The following TNNI3K variants were observed in gnomAD, a reference collection of about 807,000 sequenced individuals.
TNNI3K encodes serine/threonine-protein kinase TNNI3K.
TNNI3K carries 140 observed loss-of-function variants against 114.5 expected under a neutral mutation model. The observed-to-expected ratio is 1.22, with a 90% CI of 1.07 to 1.41. The LOEUF (loss-of-function observed/expected upper bound fraction) is 1.41. TNNI3K is among the 40% of genes most tolerant of loss of function. TNNI3K has a pLI of 0.00. For synonymous variants in TNNI3K, 347 were observed against 347.5 expected (o/e 1.00, Z 0.02); for missense variants, 1,125 against 1,007.6 (o/e 1.12, Z -1.58).
In TNNI3K at chr1:74,448,003, C is replaced by G. The variant is rs1431974537; in HGVS notation, c.2011+8381C>G. 4.5e-3 allele frequency among the ~76,000 whole-genome samples: 150 copies of G among 33,052 alleles called. 1 individual carries two copies. The highest frequency in any genetic ancestry group is 7.3e-3 in the South Asian group (6 of 820). 21.7% of individuals were successfully genotyped at this position (33,052 alleles called of 152,430 possible). A position where few individuals can be genotyped will look rare whatever the true frequency, so the allele number is the denominator to read the frequency against. ...GAAACCATCATTCTCAGTAAACTAT[C>G]GCAAGAACAAAAAACCAAACACCGC... is the stretch of plus-strand genomic sequence containing the variant. On this transcript the variant is annotated intron_variant, in intron 20 of 24. Coordinates refer to ENST00000326637, the MANE Select transcript of TNNI3K (RefSeq NM_015978.3).
rs964419047 is a variant in TNNI3K, at chr1:74,348,319, A to G, written c.933-4947A>G. Among the ~76,000 whole-genome samples the G allele has an allele frequency of 1.6e-4, 25 of 152,188 alleles. 1 individual carries two copies. Among genetic ancestry groups the G allele is most frequent in the African/African-American group, 5.8e-4 (24 of 41,544 alleles). On this transcript the variant is annotated intron_variant, in intron 9 of 24. Coordinates refer to ENST00000326637, the MANE Select transcript of TNNI3K (RefSeq NM_015978.3). ...GATCAGATAGTTGTAGATAAGCAGC[A>G]TTATTTCTGAGGGCTCTGTTCTGTT...
intron 17 of TNNI3K, among the ~76,000 whole-genome samples, chr1:74,418,612 A>G (rs1665247409): frequency 6.6e-6 from 1 of 152,110 alleles, no homozygotes; most frequent in Non-Finnish European, 1.5e-5. Context: ...TAATTGGGTA[A>G]AAATTTACGG....
At chr1:74,455,504 A>G (rs1301979344) in intron 20 of TNNI3K, among the ~76,000 whole-genome samples, 3 of 152,196 alleles carry the variant, frequency 2.0e-5, no homozygotes, top group African/African-American at 7.2e-5. Flanking sequence ...GAATATATCT[A>G]TTTATATGTG....
At chr1:74,511,237 G>A (rs1260003519) in intron 23 of TNNI3K, among the ~76,000 whole-genome samples, 1 of 150,844 alleles carries the variant, frequency 6.6e-6, no homozygotes, top group Non-Finnish European at 1.5e-5. Context: ...TTATTGCCCA[G>A]GCTGGAGTGC....
In TNNI3K at chr1:74,368,939, G is replaced by C. The variant is rs573041516; in HGVS notation, c.1322-83G>C. 4.5e-6 allele frequency: 5 copies of C among 1,099,432 alleles called. No individual in the cohort carries two copies. In the South Asian group the frequency reaches 1.0e-4, roughly 23 times the overall value. 68.1% of individuals were successfully genotyped at this position (1,099,432 alleles called of 1,614,324 possible). On this transcript the variant is annotated intron_variant, in intron 13 of 24. Coordinates refer to ENST00000326637, the MANE Select transcript of TNNI3K (RefSeq NM_015978.3). Reference sequence around the variant, plus strand: ...ATGTTATTAGGAAATTATGTTTTTAGTTAAATATATATATGCACATGTATA... The same window carrying C: ...ATGTTATTAGGAAATTATGTTTTTACTTAAATATATATATGCACATGTATA...
chr1:74,359,755 G>C (rs1359518012), intron 11 of TNNI3K, among the ~76,000 whole-genome samples: 1 of 151,968 alleles, frequency 6.6e-6, no homozygotes, highest in Admixed American at 6.6e-5. Flanking sequence ...CAGTCAAGGA[G>C]GAATGTCAAA....
chr1:74,360,285 C>A (rs1323610099), intron 11 of TNNI3K, among the ~76,000 whole-genome samples: 12 of 151,948 alleles, frequency 7.9e-5, no homozygotes. Context: ...CTCTGATATA[C>A]TGTCACCCAT....
In TNNI3K at chr1:74,489,211, T is replaced by G; in HGVS notation, c.2144T>G (p.Val715Gly). 1 of 1,611,834 alleles carries G rather than the reference T, an allele frequency of 6.2e-7. No homozygotes were observed. The part of the protein sequence containing the change: ...CPEGRPEFSE[V>G]VMKLEECLCN... ...CAGGGAAGACCCGAATTTTCTGAAGTTGTCATGAAGTTAGAAGAGTGTCTC... is the reference window on the plus strand; with the variant it reads ...CAGGGAAGACCCGAATTTTCTGAAGGTGTCATGAAGTTAGAAGAGTGTCTC... Residue 715 changes from valine (V) to glycine (G), a missense_variant, in exon 22 of 25, where the codon GTT becomes GGT. Val to Gly is a moderately radical substitution (Grantham distance 109). Transcript: ENST00000326637.
intron 23 of TNNI3K, among the ~76,000 whole-genome samples, chr1:74,495,099 C>T (rs1274937344): frequency 6.6e-6 from 1 of 152,200 alleles, no homozygotes; most frequent in Non-Finnish European, 1.5e-5. Context: ...TTGATATTCT[C>T]ATAAAGTGTT....
In TNNI3K at chr1:74,353,988, T is replaced by C; in HGVS notation, c.1036T>C (p.Ser346Pro). ...ATTCTTTTCTATTACAGGATTACAC[T>C]CTGCTTGCTACCACGGTCACATTCG... ...QGRDGHTGLH[S>P]ACYHGHIRLV... Residue 346 changes from serine to proline, a missense_variant, in exon 11 of 25, where the codon TCT becomes CCT. By Grantham distance (74) the Ser-to-Pro change is moderately conservative. Transcript: ENST00000326637. 6.2e-7 allele frequency: 1 copy of C among 1,613,544 alleles called. No homozygotes were observed. The highest frequency in any genetic ancestry group is 8.5e-7 in the Non-Finnish European group (1 of 1,179,826).
chr1:74,500,305 T>C (rs1321121403), intron 23 of TNNI3K, among the ~76,000 whole-genome samples: 1 of 152,072 alleles, frequency 6.6e-6, no homozygotes, highest in Non-Finnish European at 1.5e-5. Context: ...CAAATCTTTC[T>C]TCTAGTATCA....
intron 2 of TNNI3K, among the ~76,000 whole-genome samples, chr1:74,237,473 C>T (rs1478949229): frequency 6.6e-6 from 1 of 151,898 alleles, no homozygotes; most frequent in Non-Finnish European, 1.5e-5. Context: ...AAGAGATTTT[C>T]CTCAACTTTT....
chr1:74,388,123 C>G (rs1663578186), intron 17 of TNNI3K, among the ~76,000 whole-genome samples: 1 of 152,012 alleles, frequency 6.6e-6, no homozygotes, highest in Non-Finnish European at 1.5e-5. Flanking sequence ...ACTAGAAACA[C>G]AAAGAGTAGC....
chr1:74,492,790 A>T (rs1376593467), intron 23 of TNNI3K, among the ~76,000 whole-genome samples: 2 of 152,234 alleles, frequency 1.3e-5, no homozygotes, highest in African/African-American at 4.8e-5. Context: ...CAATGAACAG[A>T]TTGATAAAAC....
chr1:74,303,151 A>T (rs1658426326), intron 5 of TNNI3K, among the ~76,000 whole-genome samples: 1 of 152,158 alleles, frequency 6.6e-6, no homozygotes, highest in Non-Finnish European at 1.5e-5. Flanking sequence ...CAATGCCTGG[A>T]TGACAGCCCA....
chr1:74,357,299 A>G lies in TNNI3K; in HGVS notation c.1177+3170A>G, dbSNP rs552264695. Among the ~76,000 whole-genome samples the G allele has an allele frequency of 2.6e-5, 4 of 152,284 alleles. No homozygotes were observed. The South Asian group carries it at 8.3e-4, about 32-fold the overall frequency. ...AGATAAACAAGAAGGGAGCTTCACA[A>G]TCAAGGGTGTCTATTTGAATAGGTC... On this transcript the variant is annotated intron_variant, in intron 11 of 24. Coordinates refer to ENST00000326637, the MANE Select transcript of TNNI3K (RefSeq NM_015978.3).
intron 17 of TNNI3K, among the ~76,000 whole-genome samples, chr1:74,415,737 G>GTT (rs937080843): frequency 1.5e-5 from 2 of 137,546 alleles, no homozygotes; most frequent in Non-Finnish European, 3.1e-5. Context: ...AATTTTCTTT[G>GTT]TTTTTTTTTT....
chr1:74,483,932 A>G (rs1668623489), intron 21 of TNNI3K, among the ~76,000 whole-genome samples: 2 of 152,222 alleles, frequency 1.3e-5, no homozygotes, highest in Admixed American at 1.3e-4. Flanking sequence ...TAAGCTCACA[A>G]GCTCTACTTA....
At chr1:74,440,482 A>G (rs1248839836) in intron 20 of TNNI3K, among the ~76,000 whole-genome samples, 2 of 152,140 alleles carry the variant, frequency 1.3e-5, no homozygotes, top group African/African-American at 4.8e-5. Flanking sequence ...ATCCCTTTTA[A>G]CAAGTTAAAA....
Sources: gnomAD v4.1 joint callset for allele counts (sites outside exome capture counted in the v4.1 genomes callset) on GRCh38, gnomAD v4.1.1 for gene constraint, MANE v1.5 for transcripts, NCBI Gene and HGNC (gene_info 2026-07-23, HGNC 2026-07-21) for gene names.